Variants in THADA observed in about 807,000 individuals in gnomAD.
The protein encoded by THADA is THADA armadillo repeat containing, also known as tRNA (32-2'-O)-methyltransferase regulator THADA.
In THADA, 213 loss-of-function variants were observed where a neutral mutation model predicts 219.8. The ratio of observed to expected loss-of-function variants is 0.97; its 90% CI spans 0.87 to 1.09. THADA has a LOEUF of 1.09. THADA is among the 50% of genes least tolerant of loss of function. The pLI is 0.00. For synonymous variants in THADA, 1,018 were observed against 828.9 expected (o/e 1.23, Z -3.92); for missense variants, 2,956 against 2,311.3 (o/e 1.28, Z -5.72).
intron 28 of THADA, among the ~76,000 whole-genome samples, chr2:43,415,325 T>C (rs1183500667): frequency 6.6e-6 from 1 of 152,156 alleles, no homozygotes; most frequent in African/African-American, 2.4e-5. Context: ...TCATTTAATA[T>C]AGGTTTCAAT....
chr2:43,309,624 C>T (rs1386817781), intron 31 of THADA, among the ~76,000 whole-genome samples: 1 of 152,070 alleles, frequency 6.6e-6, no homozygotes, highest in Admixed American at 6.6e-5. Flanking sequence ...ACTCAACAAA[C>T]TAGAAATGGA....
At chr2:43,400,234 G>A (rs1331047194) in intron 28 of THADA, among the ~76,000 whole-genome samples, 1 of 152,024 alleles carries the variant, frequency 6.6e-6, no homozygotes, top group East Asian at 1.9e-4. Flanking sequence ...GGGGAAAAGT[G>A]CCAGTATTTT....
At chr2:43,257,832 G>A (rs1387897471) in intron 36 of THADA, among the ~76,000 whole-genome samples, 1 of 152,178 alleles carries the variant, frequency 6.6e-6, no homozygotes, top group Non-Finnish European at 1.5e-5. Flanking sequence ...ATCAGTGAGA[G>A]CAAAATGAGG....
chr2:43,511,213 A>G (rs1198254567), intron 22 of THADA, among the ~76,000 whole-genome samples: 2 of 152,112 alleles, frequency 1.3e-5, no homozygotes, highest in Non-Finnish European at 1.5e-5. Flanking sequence ...ACGTAGGAAA[A>G]ACTAAGGGGA....
intron 26 of THADA, among the ~76,000 whole-genome samples, chr2:43,460,706 A>T (rs546499239): frequency 6.6e-6 from 1 of 152,230 alleles, no homozygotes; most frequent in Non-Finnish European, 1.5e-5. Context: ...TGGGAAAACA[A>T]AAACACAAAA....
intron 26 of THADA, among the ~76,000 whole-genome samples, chr2:43,467,407 A>G (rs1684392488): frequency 6.6e-6 from 1 of 152,190 alleles, no homozygotes; most frequent in Non-Finnish European, 1.5e-5. Flanking sequence ...ACTGAGTATC[A>G]CTACCAGGAA....
intron 17 of THADA, among the ~76,000 whole-genome samples, chr2:43,552,965 C>T (rs757860536): frequency 1.3e-5 from 2 of 152,158 alleles, no homozygotes; most frequent in Non-Finnish European, 1.5e-5. Flanking sequence ...GTTGCCTGGA[C>T]GTCTCATATA....
chr2:43,381,392 C>A (rs376456282), intron 29 of THADA, among the ~76,000 whole-genome samples: 23 of 152,086 alleles, frequency 1.5e-4, no homozygotes, highest in Non-Finnish European at 1.9e-4. Flanking sequence ...ATACTCCCCC[C>A]ACCCAGCCTC....
rs76842749 is a variant in THADA at position 43,539,340 on chromosome 2, T to C, written c.3264+1819A>G. Among the ~76,000 whole-genome samples the C allele has an allele frequency of 4.9e-4, 75 of 152,370 alleles. 1 individual carries two copies. In the East Asian group the frequency reaches 0.013, roughly 27 times the overall value. On this transcript the variant is annotated intron_variant, in intron 21 of 37. Transcript: ENST00000405975. ...AAATGATGTTCTTCTCTGTCATTTA[T>C]ATTTTTAACTCTTAAAGGTTTTAAG...
At position 43,336,014 on chromosome 2, in the gene THADA, G is replaced by A. The variant is rs190809930; in HGVS notation, c.4343+8108C>T. ...CAGGAGGCTGAGGCAGGAGAATGGCGTGAACCCCAGAGGTGGAGCTTGCAG... is the reference window on the plus strand; with the variant it reads ...CAGGAGGCTGAGGCAGGAGAATGGCATGAACCCCAGAGGTGGAGCTTGCAG... On this transcript the variant is annotated intron_variant, in intron 30 of 37. Transcript: ENST00000405975. 7.2e-3 allele frequency among the ~76,000 whole-genome samples: 1,086 copies of A among 151,634 alleles called. 8 individuals are homozygous for A. Among genetic ancestry groups the A allele is most frequent in the Non-Finnish European group, 0.011 (743 of 67,894 alleles).
At chr2:43,546,491 T>A (rs1417527533) in intron 20 of THADA, among the ~76,000 whole-genome samples, 9 of 152,280 alleles carry the variant, frequency 5.9e-5, no homozygotes, top group South Asian at 2.1e-4. Flanking sequence ...CCCATTATTA[T>A]TGTGTGGGAG....
At chr2:43,512,495 T>A (rs1167212361) in intron 22 of THADA, among the ~76,000 whole-genome samples, 1 of 152,192 alleles carries the variant, frequency 6.6e-6, no homozygotes, top group Non-Finnish European at 1.5e-5. Context: ...TTTTTGTTTG[T>A]TTGTTTTTGT....
intron 29 of THADA, among the ~76,000 whole-genome samples, chr2:43,356,631 C>T (rs1439719178): frequency 6.6e-6 from 1 of 152,106 alleles, no homozygotes; most frequent in Non-Finnish European, 1.5e-5. Flanking sequence ...ACCTTTAGTA[C>T]CTCACTAATT....
chr2:43,313,801 G>A (rs994835350), intron 31 of THADA, among the ~76,000 whole-genome samples: 1 of 152,202 alleles, frequency 6.6e-6, no homozygotes, highest in East Asian at 1.9e-4. Flanking sequence ...GAGGGTTCTC[G>A]GACTCCCTTC....
chr2:43,532,536 C>T (rs184307621), intron 21 of THADA, among the ~76,000 whole-genome samples: 98 of 151,898 alleles, frequency 6.5e-4, no homozygotes, highest in African/African-American at 2.0e-3. Context: ...AAAAGGCCTT[C>T]GATAAAATTC....
chr2:43,428,334 G>A, intron 27 of THADA, 103 bp from the exon 28 acceptor site: 3 of 1,175,092 alleles, frequency 2.6e-6, no homozygotes, highest in Non-Finnish European at 3.5e-6. Flanking sequence ...ATGGCCGGGT[G>A]CGGTGACTAA....
At chr2:43,422,558 T>C (rs190530446) in intron 28 of THADA, among the ~76,000 whole-genome samples, 1 of 152,334 alleles carries the variant, frequency 6.6e-6, no homozygotes, top group East Asian at 1.9e-4. Flanking sequence ...TTCACCAGGA[T>C]ATCTCATTCA....
chr2:43,451,506 C>G (rs1200351614), intron 26 of THADA, among the ~76,000 whole-genome samples: 1 of 152,228 alleles, frequency 6.6e-6, no homozygotes, highest in African/African-American at 2.4e-5. Context: ...TGTTAGCTCC[C>G]TGAGACTAAA....
intron 29 of THADA, among the ~76,000 whole-genome samples, chr2:43,346,591 G>A (rs1395155423): frequency 6.6e-6 from 1 of 152,216 alleles, no homozygotes; most frequent in East Asian, 1.9e-4. Context: ...CAGAACCAAG[G>A]AGGATGATTA....
Sources: gnomAD v4.1 joint callset for allele counts (sites outside exome capture counted in the v4.1 genomes callset) on GRCh38, gnomAD v4.1.1 for gene constraint, MANE v1.5 for transcripts, NCBI Gene and HGNC (gene_info 2026-07-23, HGNC 2026-07-21) for gene names.